ZFP62: variants seen among roughly 807,000 people sequenced by gnomAD.
ZFP62 encodes the protein zinc finger protein 62 homolog.
ZFP62 carries 44 observed loss-of-function variants against 56.4 expected under a neutral mutation model. The ratio of observed to expected loss-of-function variants is 0.78; its 90% CI spans 0.61 to 1.00. The LOEUF (loss-of-function observed/expected upper bound fraction) is 1.00, where lower values mean the gene tolerates loss of function less well. Ranked by LOEUF, ZFP62 falls within the 50% of genes least tolerant of loss-of-function variation. The pLI is 0.00. For missense variants in ZFP62, 1,030 were observed against 1,085.7 expected, an observed-to-expected ratio of 0.95 and a Z score of 0.72; for synonymous variants, 421 against 388.9, an observed-to-expected ratio of 1.08 and a Z score of -0.97.
At chr5:180,855,104 G>GTA (rs1773901355) in intron 1 of ZFP62, among the ~76,000 whole-genome samples, 1 of 152,196 alleles carries the variant, frequency 6.6e-6, no homozygotes, top group African/African-American at 2.4e-5. Flanking sequence ...GGGCCATGAT[G>GTA]TATATAATTA....
chr5:180,832,243 C>T, the ZFP62 span, among the ~76,000 whole-genome samples: 4 of 152,204 alleles, frequency 2.6e-5, no homozygotes, highest in Non-Finnish European at 5.9e-5. Flanking sequence ...CCTCAACCTT[C>T]CTGGACTCAA....
rs1773705555 is a variant in ZFP62 at position 180,851,392 on chromosome 5, G to A, written c.103C>T (p.Pro35Ser). Residue 35 changes from proline to serine, a missense_variant, in exon 2 of 2, where the codon CCT becomes TCT. By Grantham distance (74) the Pro-to-Ser change is moderately conservative. Transcript: ENST00000502412. ...CATGTGTCACCAACCTTAGATTCAG[G>A]CATAGGATCCTCCACTTTTGGCCAC... is the stretch of plus-strand genomic sequence containing the variant. Reference protein sequence around the residue: ...SKWPKVEDPMPESKVGDTCVW... With the variant: ...SKWPKVEDPMSESKVGDTCVW... The A allele has an allele frequency of 6.4e-7, 1 of 1,551,520 alleles. No homozygotes were observed. Among genetic ancestry groups the A allele is most frequent in the Non-Finnish European group, 8.7e-7 (1 of 1,146,964 alleles).
the ZFP62 span, among the ~76,000 whole-genome samples, chr5:180,841,586 A>C: frequency 6.6e-6 from 1 of 152,222 alleles, no homozygotes; most frequent in East Asian, 1.9e-4. Context: ...CCTGAAAATC[A>C]GAAACCACTC....
Position 180,849,784 on chromosome 5 carries a change from T to C in ZFP62, c.1711A>G (p.Ile571Val), listed in dbSNP as rs1389604562. Reference sequence around the variant, plus strand: ...TGATTTATAAGGCTCGAGAGAGAGATGTATGCTTTCCCACATTCTTCACAT... The same window carrying C: ...TGATTTATAAGGCTCGAGAGAGAGACGTATGCTTTCCCACATTCTTCACAT... ...YKCEECGKAY[I>V]SLSSLINHKS... Residue 571 changes from isoleucine (I) to valine (V), a missense_variant, in exon 2 of 2, where the codon ATC (isoleucine) becomes GTC (valine). Transcript: ENST00000502412. 1.3e-6 allele frequency: 2 copies of C among 1,551,904 alleles called. No homozygotes were observed. The highest frequency in any genetic ancestry group is 2.4e-5 in the East Asian group (1 of 40,926).
Position 180,848,922 on chromosome 5 carries a change from T to C in ZFP62, c.2573A>G (p.His858Arg). Residue 858 changes from histidine to arginine, a missense_variant, in exon 2 of 2, where the codon CAT (histidine) becomes CGT (arginine). Physicochemically the swap from His to Arg is conservative, Grantham distance 29 (BLOSUM62 0). Transcript: ENST00000502412. ...AFNIRSNLTK[H>R]KRTHTGEESL... Reference sequence around the variant, plus strand: ...TTCCTCTCCAGTATGGGTTCTTTTATGCTTGGTGAGATTTGATCTGATATT... The same window carrying C: ...TTCCTCTCCAGTATGGGTTCTTTTACGCTTGGTGAGATTTGATCTGATATT... 6.4e-7 allele frequency: 1 copy of C among 1,551,764 alleles called. No homozygotes were observed. Among genetic ancestry groups the C allele is most frequent in the Non-Finnish European group, 8.7e-7 (1 of 1,147,008 alleles).
chr5:180,832,977 G>C, the ZFP62 span: 1 of 152,316 alleles, frequency 6.6e-6, no homozygotes, highest in Admixed American at 6.5e-5. Flanking sequence ...TCAAGGTGAG[G>C]GTTTGGTTGT....
At position 180,849,097 on chromosome 5, in the gene ZFP62, G is replaced by A. The variant is rs2113674391; in HGVS notation, c.2398C>T (p.Leu800Phe). Reference protein sequence around the residue: ...CGKAYISHSSLINHKSVHQGK... With the variant: ...CGKAYISHSSFINHKSVHQGK... ...TGGTGGACACTTTTATGATTGATAA[G>A]ACTTGAGTGTGAGATGTATGCCTTC... Residue 800 changes from leucine (L) to phenylalanine (F), a missense_variant, in exon 2 of 2, where the codon CTT becomes TTT. Coordinates refer to ENST00000502412, the MANE Select transcript of ZFP62 (RefSeq NM_001172638.2). 3 of 1,553,840 alleles carry A rather than the reference G, an allele frequency of 1.9e-6. No individual in the cohort carries two copies. The East Asian group carries it at 7.3e-5, about 38-fold the overall frequency.
rs1262311094 is a variant in ZFP62, at chr5:180,848,590, T to C, written c.*202A>G. ...TTTCTCTCAAGTATGGACTGTTTTATATCCTGTAAGAGCTGAACTACCTTG... is the reference window on the plus strand; with the variant it reads ...TTTCTCTCAAGTATGGACTGTTTTACATCCTGTAAGAGCTGAACTACCTTG... On this transcript the variant is annotated 3_prime_UTR_variant, in exon 2 of 2. Coordinates refer to ENST00000502412, the MANE Select transcript of ZFP62 (RefSeq NM_001172638.2). The C allele has an allele frequency of 4.3e-5, 57 of 1,323,616 alleles. No homozygotes were observed. Among genetic ancestry groups the C allele is most frequent in the Non-Finnish European group, 5.3e-5 (55 of 1,039,898 alleles). 82.0% of individuals were successfully genotyped at this position (1,323,616 alleles called of 1,614,324 possible). A position where few individuals can be genotyped will look rare whatever the true frequency, so the allele number is the denominator to read the frequency against.
Position 180,848,231 on chromosome 5 carries a change from C to T in ZFP62, c.*561G>A. Reference sequence around the variant, plus strand: ...CTAAAAGGAAATCCAAATTTTGTTTCAGAAGTCATCATCACTGCCCCCTCC... The same window carrying T: ...CTAAAAGGAAATCCAAATTTTGTTTTAGAAGTCATCATCACTGCCCCCTCC... On this transcript the variant is annotated 3_prime_UTR_variant, in exon 2 of 2. Coordinates refer to ENST00000502412, the MANE Select transcript of ZFP62 (RefSeq NM_001172638.2). The T allele has an allele frequency of 2.0e-6, 2 of 985,404 alleles. No homozygotes were observed. The highest frequency in any genetic ancestry group is 2.4e-6 in the Non-Finnish European group (2 of 829,960). 61.0% of individuals were successfully genotyped at this position (985,404 alleles called of 1,614,324 possible). A position where few individuals can be genotyped will look rare whatever the true frequency, so the allele number is the denominator to read the frequency against.
the ZFP62 span, among the ~76,000 whole-genome samples, chr5:180,828,192 G>A: frequency 4.6e-5 from 7 of 152,176 alleles, no homozygotes; most frequent in East Asian, 3.9e-4. Context: ...TCCACCTAAC[G>A]AGAAACACCC....
In ZFP62 at chr5:180,848,149, A is replaced by T. The variant is rs142318722; in HGVS notation, c.*643T>A. 16 of 985,406 alleles carry T rather than the reference A, an allele frequency of 1.6e-5. No homozygotes were observed. Among genetic ancestry groups the T allele is most frequent in the Non-Finnish European group, 1.9e-5 (16 of 829,928 alleles). 61.0% of individuals were successfully genotyped at this position (985,406 alleles called of 1,614,324 possible). On this transcript the variant is annotated 3_prime_UTR_variant, in exon 2 of 2. Transcript: ENST00000502412. ...GTACGTTCATCAATTTGCATTTTTTATGAGTGACTCTCTCCTATCTCCTGT... is the reference window on the plus strand; with the variant it reads ...GTACGTTCATCAATTTGCATTTTTTTTGAGTGACTCTCTCCTATCTCCTGT...
At chr5:180,860,839 T>G in intron 1 of ZFP62, 6 of 263,880 alleles carry the variant, frequency 2.3e-5, no homozygotes, top group Admixed American at 5.4e-5. Context: ...ATGGTGGGTA[T>G]TTTGAAGCGC....
chr5:180,846,881 G>A (rs1439029714), downstream of ZFP62, among the ~76,000 whole-genome samples: 1 of 152,208 alleles, frequency 6.6e-6, no homozygotes, highest in Non-Finnish European at 1.5e-5. Context: ...TGTGTATAGG[G>A]TCAGGCTTGC....
At chr5:180,840,485 A>T in the ZFP62 span, among the ~76,000 whole-genome samples, 1 of 152,190 alleles carries the variant, frequency 6.6e-6, no homozygotes. Context: ...ATGGCTGGGC[A>T]TGGTGGCTCA....
chr5:180,841,783 G>A, the ZFP62 span, among the ~76,000 whole-genome samples: 1 of 152,246 alleles, frequency 6.6e-6, no homozygotes, highest in African/African-American at 2.4e-5. Flanking sequence ...GTCCAGTGCT[G>A]TGGCTCATGC....
At chr5:180,838,480 A>G in the ZFP62 span, among the ~76,000 whole-genome samples, 1 of 152,236 alleles carries the variant, frequency 6.6e-6, no homozygotes, top group Non-Finnish European at 1.5e-5. Flanking sequence ...ACATTAGGAC[A>G]ATGAAAGAAA....
At chr5:180,844,791 G>A (rs1773377927), downstream of ZFP62, among the ~76,000 whole-genome samples, 1 of 152,208 alleles carries the variant, frequency 6.6e-6, no homozygotes, top group Non-Finnish European at 1.5e-5. Flanking sequence ...TTCTTCTCAA[G>A]TTTTGTCTGA....
rs773469432 is a variant in ZFP62, at chr5:180,850,667, C to G, written c.828G>C (p.Thr276=). The part of the protein sequence containing the change: ...SGLRVHKRIH[T]GEKPYECDIC... Reference sequence around the variant, plus strand: ...TGTCGCATTCATAGGGCTTCTCCCCCGTGTGGATCCTTTTGTGGACTCTGA... The same window carrying G: ...TGTCGCATTCATAGGGCTTCTCCCCGGTGTGGATCCTTTTGTGGACTCTGA... The change falls in exon 2 of 2, where the codon ACG becomes ACC. Residue 276 remains threonine, a synonymous_variant. Coordinates refer to ENST00000502412, the MANE Select transcript of ZFP62 (RefSeq NM_001172638.2). The G allele has an allele frequency of 2.5e-6, 4 of 1,589,256 alleles. No homozygotes were observed. Among genetic ancestry groups the G allele is most frequent in the African/African-American group, 1.4e-5 (1 of 73,590 alleles).
At chr5:180,841,827 G>A in the ZFP62 span, among the ~76,000 whole-genome samples, 1 of 152,186 alleles carries the variant, frequency 6.6e-6, no homozygotes, top group Non-Finnish European at 1.5e-5. Context: ...GCTGGGGTGG[G>A]CAGATCACTT....
Sources: allele counts gnomAD v4.1 joint callset (sites outside exome capture counted in the v4.1 genomes callset), GRCh38; gene constraint gnomAD v4.1.1; transcripts MANE v1.5; gene names NCBI Gene and HGNC (gene_info 2026-07-23, HGNC 2026-07-21).